The following CXCL13 variants were observed in gnomAD, a reference collection of about 807,000 sequenced individuals.
CXCL13 encodes C-X-C motif chemokine 13.
CXCL13 carries 7 observed loss-of-function variants against 12.2 expected under a neutral mutation model. That is an observed-to-expected ratio of 0.57 (90% CI 0.33 to 1.07). The LOEUF is 1.07. Ranked by LOEUF, CXCL13 falls within the 50% of genes least tolerant of loss-of-function variation. The pLI, the probability that CXCL13 is intolerant of heterozygous loss-of-function variation, is 0.04. For missense variants in CXCL13, 113 were observed against 127.4 expected (o/e 0.89, Z 0.55); for synonymous variants, 47 against 42.4 (o/e 1.11, Z -0.42).
chr4:77,535,101 C>A (rs143095211), intron 1 of CXCL13, among the ~76,000 whole-genome samples: 17 of 152,312 alleles, frequency 1.1e-4, no homozygotes, highest in African/African-American at 4.1e-4. Context: ...ATGTCCTCTT[C>A]CACAAAGAAG....
intron 1 of CXCL13, among the ~76,000 whole-genome samples, chr4:77,528,094 A>G (rs1724812201): frequency 6.6e-6 from 1 of 152,156 alleles, no homozygotes. Flanking sequence ...CCATGTCCCT[A>G]TAAAGAACAT....
At chr4:77,547,358 G>A (rs1347667847) in intron 1 of CXCL13, among the ~76,000 whole-genome samples, 1 of 152,124 alleles carries the variant, frequency 6.6e-6, no homozygotes, top group Non-Finnish European at 1.5e-5. Context: ...TTATTGTGTG[G>A]GAGTCTAAGT....
At chr4:77,533,011 CGTCTG>C (rs1160515165) in intron 1 of CXCL13, among the ~76,000 whole-genome samples, 4 of 150,352 alleles carry the variant, frequency 2.7e-5, no homozygotes, top group African/African-American at 1.0e-4. Flanking sequence ...GTAGTTTGAT[CGTCTG>C]AAGTCTTCTT....
intron 1 of CXCL13, among the ~76,000 whole-genome samples, chr4:77,537,740 C>T (rs1031813785): frequency 6.6e-6 from 1 of 152,126 alleles, no homozygotes; most frequent in Non-Finnish European, 1.5e-5. Context: ...CTCCAGTTTT[C>T]CTTTGCATAA....
At chr4:77,547,334 T>C (rs1725390401) in intron 1 of CXCL13, among the ~76,000 whole-genome samples, 1 of 152,174 alleles carries the variant, frequency 6.6e-6, no homozygotes, top group African/African-American at 2.4e-5. Context: ...GTGGGGTGTT[T>C]ACATATCACA....
chr4:77,536,337 T>G (rs961808422), intron 1 of CXCL13, among the ~76,000 whole-genome samples: 30 of 152,188 alleles, frequency 2.0e-4, no homozygotes, highest in African/African-American at 7.2e-4. Flanking sequence ...ATCTGTGAAA[T>G]GAGGTGTTCC....
intron 1 of CXCL13, among the ~76,000 whole-genome samples, chr4:77,586,721 T>C (rs549201831): frequency 2.0e-5 from 3 of 152,324 alleles, no homozygotes; most frequent in Admixed American, 6.5e-5. Flanking sequence ...AACTCATTTT[T>C]CCATCTGTAA....
chr4:77,547,327 G>A (rs1725390211), intron 1 of CXCL13, among the ~76,000 whole-genome samples: 1 of 152,118 alleles, frequency 6.6e-6, no homozygotes, highest in African/African-American at 2.4e-5. Context: ...GTTGACAGTG[G>A]GGTGTTTACA....
upstream of CXCL13, among the ~76,000 whole-genome samples, chr4:77,602,135 ACT>A (rs1726891281): frequency 6.6e-6 from 1 of 152,144 alleles, no homozygotes; most frequent in South Asian, 2.1e-4. Context: ...TCTACCGTTA[ACT>A]CTCTGTTTAA....
intron 1 of CXCL13, among the ~76,000 whole-genome samples, chr4:77,514,225 T>A (rs544094737): frequency 0.023 from 3,428 of 152,200 alleles, 46 homozygotes; most frequent in South Asian, 0.03. Flanking sequence ...TTTGGGTTGG[T>A]TCCAAGTCTT....
upstream of CXCL13, among the ~76,000 whole-genome samples, chr4:77,602,299 G>T (rs963775607): frequency 2.6e-5 from 4 of 152,128 alleles, no homozygotes; most frequent in East Asian, 1.9e-4. Context: ...ATCTACAGTG[G>T]ATGTGTCCTG....
chr4:77,607,725 A>C lies in CXCL13; in HGVS notation c.87A>C (p.Thr29=). ...CAGGTGTTCTGGAGGTCTATTACACAAGCTTGAGGTGTAGATGTGTCCAAG... is the reference window on the plus strand; with the variant it reads ...CAGGTGTTCTGGAGGTCTATTACACCAGCTTGAGGTGTAGATGTGTCCAAG... The part of the protein sequence containing the change: ...PVQGVLEVYY[T]SLRCRCVQES... Residue 29 remains threonine (T), a synonymous_variant, in exon 2 of 4, where the codon ACA becomes ACC. Transcript: ENST00000682537. 1.2e-6 allele frequency: 2 copies of C among 1,612,122 alleles called. No homozygotes were observed. Among genetic ancestry groups the C allele is most frequent in the Non-Finnish European group, 1.7e-6 (2 of 1,179,078 alleles).
intron 3 of CXCL13, 130 bp downstream of exon 3, chr4:77,610,824 T>C: frequency 1.1e-6 from 1 of 917,044 alleles, no homozygotes; most frequent in Non-Finnish European, 1.8e-6. Context: ...TTTTTCACTG[T>C]TATTGCTTAT....
At chr4:77,567,561 T>G (rs1236662470) in intron 1 of CXCL13, among the ~76,000 whole-genome samples, 1 of 152,176 alleles carries the variant, frequency 6.6e-6, no homozygotes, top group Non-Finnish European at 1.5e-5. Flanking sequence ...TTTGGCAGGC[T>G]TGGTTTTACA....
At chr4:77,546,697 G>T (rs915179453) in intron 1 of CXCL13, among the ~76,000 whole-genome samples, 1 of 152,204 alleles carries the variant, frequency 6.6e-6, no homozygotes, top group African/African-American at 2.4e-5. Flanking sequence ...CCAGCTCCTG[G>T]ATTCATTGAT....
intron 1 of CXCL13, among the ~76,000 whole-genome samples, chr4:77,517,314 C>T (rs1161461601): frequency 5.9e-5 from 9 of 152,132 alleles, no homozygotes; most frequent in Non-Finnish European, 1.2e-4. Flanking sequence ...CTGTAGATGT[C>T]TGTTAGGTCC....
intron 1 of CXCL13, among the ~76,000 whole-genome samples, chr4:77,515,685 T>A (rs1349385200): frequency 6.6e-6 from 1 of 151,290 alleles, no homozygotes; most frequent in African/African-American, 2.4e-5. Flanking sequence ...TGAAGTTGCT[T>A]ATCAGCTTAA....
At chr4:77,548,579 A>C (rs1376338254) in intron 1 of CXCL13, among the ~76,000 whole-genome samples, 2 of 152,182 alleles carry the variant, frequency 1.3e-5, no homozygotes, top group Non-Finnish European at 2.9e-5. Context: ...AGAAAAAGTG[A>C]CAGTGAATAC....
chr4:77,593,449 C>T (rs139018556), intron 1 of CXCL13, among the ~76,000 whole-genome samples: 381 of 152,282 alleles, frequency 2.5e-3, no homozygotes, highest in African/African-American at 4.6e-3. Context: ...TGGACATCCC[C>T]GTGAGACTTG....
Sources: allele counts gnomAD v4.1 joint callset (sites outside exome capture counted in the v4.1 genomes callset), GRCh38; gene constraint gnomAD v4.1.1; transcripts MANE v1.5; gene names NCBI Gene and HGNC (gene_info 2026-07-23, HGNC 2026-07-21).